The following GDPD4 variants were observed in gnomAD, a reference collection of about 807,000 sequenced individuals.
The protein encoded by GDPD4 is glycerophosphodiester phosphodiesterase 6.
In GDPD4, 60 loss-of-function variants were observed where a neutral mutation model predicts 67.8. That is an observed-to-expected ratio of 0.88 (90% CI 0.72 to 1.10). The LOEUF (loss-of-function observed/expected upper bound fraction) is 1.10, where lower values mean the gene tolerates loss of function less well. Ranked by LOEUF, GDPD4 falls within the 50% of genes least tolerant of loss-of-function variation. The pLI, the probability that GDPD4 is intolerant of heterozygous loss-of-function variation, is 0.00. For synonymous variants in GDPD4, 212 were observed against 210.9 expected (o/e 1.00, Z -0.04); for missense variants, 623 against 613.9 (o/e 1.01, Z -0.16).
chr11:77,286,544 A>G (rs1960003757), intron 2 of GDPD4, among the ~76,000 whole-genome samples: 1 of 152,226 alleles, frequency 6.6e-6, no homozygotes, highest in South Asian at 2.1e-4. Flanking sequence ...TAAGAAATTA[A>G]TGACCCAACT....
intron 11 of GDPD4, among the ~76,000 whole-genome samples, chr11:77,257,592 CA>C (rs1959029089): frequency 2.0e-5 from 3 of 150,236 alleles, no homozygotes; most frequent in African/African-American, 4.9e-5. Flanking sequence ...CACACACACA[CA>C]CCCTGTTGCT....
At chr11:77,265,132 T>C (rs912727544) in intron 10 of GDPD4, among the ~76,000 whole-genome samples, 43 of 152,158 alleles carry the variant, frequency 2.8e-4, no homozygotes, top group African/African-American at 9.9e-4. Context: ...GCTTCAATCA[T>C]CTGGCCTTTT....
intron 10 of GDPD4, among the ~76,000 whole-genome samples, chr11:77,258,942 C>T (rs1222947177): frequency 6.6e-6 from 1 of 152,146 alleles, no homozygotes; most frequent in Non-Finnish European, 1.5e-5. Context: ...CCTTTCCCAG[C>T]TAGGCACTGC....
intron 13 of GDPD4, among the ~76,000 whole-genome samples, chr11:77,236,949 A>G (rs971735712): frequency 2.0e-5 from 3 of 152,346 alleles, no homozygotes; most frequent in African/African-American, 4.8e-5. Flanking sequence ...TTGTAAAAAG[A>G]ATAATAATAT....
chr11:77,251,796 T>G (rs544719908), intron 11 of GDPD4, among the ~76,000 whole-genome samples: 7 of 152,250 alleles, frequency 4.6e-5, no homozygotes, highest in Non-Finnish European at 5.9e-5. Flanking sequence ...TTTCTATGGC[T>G]TTCCAACTCT....
At chr11:77,252,044 TTG>T (rs1425086075) in intron 11 of GDPD4, among the ~76,000 whole-genome samples, 3 of 80,652 alleles carry the variant, frequency 3.7e-5, no homozygotes, top group South Asian at 7.9e-4. Context: ...TTGGGTTTTT[TTG>T]TTTGTTTGTT....
chr11:77,282,855 A>C (rs911639535), intron 3 of GDPD4, among the ~76,000 whole-genome samples: 2 of 152,176 alleles, frequency 1.3e-5, no homozygotes, highest in Admixed American at 6.6e-5. Flanking sequence ...GATTTGAGAA[A>C]CCCAACCATA....
chr11:77,254,959 C>T (rs1958977289), intron 11 of GDPD4, among the ~76,000 whole-genome samples: 1 of 152,158 alleles, frequency 6.6e-6, no homozygotes, highest in Non-Finnish European at 1.5e-5. Flanking sequence ...TTTTAAATCA[C>T]ATGATAACAC....
At chr11:77,252,834 T>A (rs1458612504) in intron 11 of GDPD4, among the ~76,000 whole-genome samples, 1 of 152,212 alleles carries the variant, frequency 6.6e-6, no homozygotes, top group Admixed American at 6.5e-5. Flanking sequence ...TGGAAATTTG[T>A]TGTCGCAACA....
intron 13 of GDPD4, among the ~76,000 whole-genome samples, chr11:77,237,402 G>T (rs888668158): frequency 6.6e-6 from 1 of 152,056 alleles, no homozygotes; most frequent in African/African-American, 2.4e-5. Context: ...GAAAAAGGAA[G>T]AAAAAATGAA....
At chr11:77,291,564 T>G (rs1170965749) in intron 1 of GDPD4, among the ~76,000 whole-genome samples, 1 of 152,104 alleles carries the variant, frequency 6.6e-6, no homozygotes, top group East Asian at 1.9e-4. Context: ...GCGATAGATA[T>G]CCTAAATACC....
intron 1 of GDPD4, among the ~76,000 whole-genome samples, 184 bp from the exon 2 acceptor site, chr11:77,287,604 C>CT (rs1180200339): frequency 6.6e-6 from 1 of 152,176 alleles, no homozygotes; most frequent in East Asian, 1.9e-4. Context: ...CTCCCACTAA[C>CT]TTGTTGAGTG....
intron 14 of GDPD4, among the ~76,000 whole-genome samples, chr11:77,230,115 C>T (rs1169711815): frequency 6.6e-6 from 1 of 152,136 alleles, no homozygotes; most frequent in African/African-American, 2.4e-5. Context: ...ATTTAAGCCT[C>T]ATAATAGCCC....
chr11:77,230,800 G>A (rs761638053), intron 14 of GDPD4, among the ~76,000 whole-genome samples: 2 of 152,178 alleles, frequency 1.3e-5, no homozygotes, highest in Non-Finnish European at 2.9e-5. Context: ...CTATCAAGAG[G>A]TGAAGTCTGT....
At chr11:77,284,492 C>T (rs1431085503) in intron 3 of GDPD4, among the ~76,000 whole-genome samples, 1 of 152,032 alleles carries the variant, frequency 6.6e-6, no homozygotes, top group African/African-American at 2.4e-5. Context: ...TTTTAAAAGC[C>T]CCATATCCGA....
chr11:77,265,377 G>T (rs1225339730), intron 10 of GDPD4, among the ~76,000 whole-genome samples: 1 of 152,116 alleles, frequency 6.6e-6, no homozygotes, highest in African/African-American at 2.4e-5. Flanking sequence ...ATAGGGCCTA[G>T]AAAAGTTTTA....
At chr11:77,228,809 C>CT (rs1455205011) in intron 15 of GDPD4, among the ~76,000 whole-genome samples, 1 of 152,214 alleles carries the variant, frequency 6.6e-6, no homozygotes, top group African/African-American at 2.4e-5. Context: ...TGAACTTGCT[C>CT]TTTGCACACT....
chr11:77,250,718 T>C (rs1033668042), intron 11 of GDPD4, among the ~76,000 whole-genome samples: 2 of 152,202 alleles, frequency 1.3e-5, no homozygotes, highest in Non-Finnish European at 2.9e-5. Flanking sequence ...TGATCTTTTG[T>C]CTAGATGATC....
intron 10 of GDPD4, among the ~76,000 whole-genome samples, chr11:77,261,242 T>TC (rs1211199846): frequency 4.2e-5 from 6 of 143,632 alleles, no homozygotes; most frequent in African/African-American, 1.5e-4. Flanking sequence ...GCCTAACATC[T>TC]TTTTTTTTTT....
Sources: allele counts gnomAD v4.1 joint callset (sites outside exome capture counted in the v4.1 genomes callset), GRCh38; gene constraint gnomAD v4.1.1; transcripts MANE v1.5; gene names NCBI Gene and HGNC (gene_info 2026-07-23, HGNC 2026-07-21).